Variants in RIPK2 observed in about 807,000 individuals in gnomAD.
RIPK2 encodes receptor interacting serine/threonine kinase 2.
A neutral mutation model predicts 60.9 loss-of-function variants in RIPK2; 38 were observed. The observed-to-expected ratio is 0.62, with a 90% CI of 0.48 to 0.82. The LOEUF (loss-of-function observed/expected upper bound fraction) is 0.82, where lower values mean the gene tolerates loss of function less well. RIPK2 is among the 40% of genes least tolerant of loss of function. RIPK2 has a pLI of 0.00. For synonymous variants in RIPK2, 225 were observed against 223.4 expected, an observed-to-expected ratio of 1.01 and a Z score of -0.06; for missense variants, 518 against 647.0, an observed-to-expected ratio of 0.80 and a Z score of 2.16.
At chr8:89,762,687 T>C (rs2130544023) in intron 1 of RIPK2, 142 bp from the exon 2 acceptor site, 2 of 433,856 alleles carry the variant, frequency 4.6e-6, no homozygotes, top group African/African-American at 4.0e-5. Context: ...TTAAATATGA[T>C]GAAACTAAGG....
At chr8:89,766,849 T>A (rs1280314032) in intron 3 of RIPK2, among the ~76,000 whole-genome samples, 1 of 151,506 alleles carries the variant, frequency 6.6e-6, no homozygotes, top group Non-Finnish European at 1.5e-5. Context: ...TCTAAAGGGA[T>A]TCTTTGGTTT....
intron 6 of RIPK2, among the ~76,000 whole-genome samples, chr8:89,774,583 T>C (rs1809366558): frequency 6.6e-6 from 1 of 152,180 alleles, no homozygotes; most frequent in Non-Finnish European, 1.5e-5. Flanking sequence ...CAGTTGTATG[T>C]GATTAGTGAT....
intron 1 of RIPK2, among the ~76,000 whole-genome samples, chr8:89,761,902 C>T (rs1049423567): frequency 6.6e-6 from 1 of 152,086 alleles, no homozygotes. Context: ...AAACAATTCA[C>T]AATTTCCCAA....
intron 9 of RIPK2, among the ~76,000 whole-genome samples, chr8:89,787,880 G>A (rs1262608770): frequency 6.6e-6 from 1 of 152,052 alleles, no homozygotes; most frequent in Non-Finnish European, 1.5e-5. Flanking sequence ...ATTAAGAACC[G>A]ATACAGAATG....
chr8:89,779,210 T>C (rs909538515), intron 6 of RIPK2, among the ~76,000 whole-genome samples: 3 of 151,718 alleles, frequency 2.0e-5, no homozygotes, highest in Non-Finnish European at 2.9e-5. Context: ...TGTGGAAATA[T>C]AGTGTGCAAG....
Position 89,772,661 on chromosome 8 carries a change from T to C in RIPK2, c.692-6T>C. 1 of 1,588,316 alleles carries C rather than the reference T, an allele frequency of 6.3e-7. No individual in the cohort carries two copies. The highest frequency in any genetic ancestry group is 8.6e-7 in the Non-Finnish European group (1 of 1,164,684). ...ACTAATGAATGCAATCTATTTGTTTTGACAGATGTCACCAATCCTTTGCAG... is the reference window on the plus strand; with the variant it reads ...ACTAATGAATGCAATCTATTTGTTTCGACAGATGTCACCAATCCTTTGCAG... On this transcript the variant is annotated splice_polypyrimidine_tract_variant and splice_region_variant and intron_variant, in intron 5 of 10. Transcript: ENST00000220751.
At chr8:89,780,422 A>T in intron 7 of RIPK2, 1 of 199,812 alleles carries the variant, frequency 5.0e-6, no homozygotes, top group Non-Finnish European at 1.0e-5. Flanking sequence ...CTGTAATCCC[A>T]GCACTTTGAA....
chr8:89,774,612 A>G (rs1809367665), intron 6 of RIPK2, among the ~76,000 whole-genome samples: 1 of 152,232 alleles, frequency 6.6e-6, no homozygotes, highest in Non-Finnish European at 1.5e-5. Flanking sequence ...TGTTTATAAT[A>G]GCCAGCAAGT....
In RIPK2 at chr8:89,772,810, G is replaced by T; in HGVS notation, c.835G>T (p.Glu279Ter). Residue 279 changes from glutamate (E) to a stop codon, truncating the protein, a stop_gained, in exon 6 of 11, where the codon GAA (glutamate) becomes TAA (stop). Coordinates refer to ENST00000220751, the MANE Select transcript of RIPK2 (RefSeq NM_003821.6). LOFTEE classifies it high-confidence loss of function. ...IESGWAQNPD[E>*]RPSFLKCLIE... is the part of the protein sequence containing the mutation. Reference sequence around the variant, plus strand: ...AAGTGGATGGGCACAAAATCCAGATGAAAGACCATCTTTCTTAAGTGAGTA... The same window carrying T: ...AAGTGGATGGGCACAAAATCCAGATTAAAGACCATCTTTCTTAAGTGAGTA... 1 of 1,606,222 alleles carries T rather than the reference G, an allele frequency of 6.2e-7. No homozygotes were observed. Among genetic ancestry groups the T allele is most frequent in the Non-Finnish European group, 8.5e-7 (1 of 1,176,250 alleles).
Position 89,757,963 on chromosome 8 carries a change from C to G in RIPK2, c.-98C>G. On this transcript the variant is annotated 5_prime_UTR_variant, in exon 1 of 11. Coordinates refer to ENST00000220751, the MANE Select transcript of RIPK2 (RefSeq NM_003821.6). The stretch of plus-strand genomic sequence containing the variant: ...CAAAAAGGGTCTTGCCGGCCTCGCT[C>G]GTGCAGGGGCGTATCTGGGCGCCTG... The G allele has an allele frequency of 1.4e-6, 2 of 1,418,910 alleles. No homozygotes were observed. Among genetic ancestry groups the G allele is most frequent in the South Asian group, 1.5e-5 (1 of 66,746 alleles). The allele number at this position is 1,418,910 out of a possible 1,614,324, so 87.9% of individuals were successfully genotyped here.
At position 89,757,958 on chromosome 8, in the gene RIPK2, T is replaced by A. The variant is rs930592395; in HGVS notation, c.-103T>A. 1.4e-6 allele frequency: 2 copies of A among 1,417,998 alleles called. No individual in the cohort carries two copies. Among genetic ancestry groups the A allele is most frequent in the African/African-American group, 3.0e-5 (2 of 67,570 alleles). 87.8% of individuals were successfully genotyped at this position (1,417,998 alleles called of 1,614,324 possible). On this transcript the variant is annotated 5_prime_UTR_variant, in exon 1 of 11. Transcript: ENST00000220751. The stretch of plus-strand genomic sequence containing the variant: ...CGGGGCAAAAAGGGTCTTGCCGGCC[T>A]CGCTCGTGCAGGGGCGTATCTGGGC...
At position 89,790,329 on chromosome 8, in the gene RIPK2, C is replaced by A; in HGVS notation, c.1536C>A (p.Asn512Lys). The A allele has an allele frequency of 6.2e-7, 1 of 1,613,974 alleles. No homozygotes were observed. The highest frequency in any genetic ancestry group is 8.5e-7 in the Non-Finnish European group (1 of 1,179,912). The change falls in exon 11 of 11, where the codon AAC becomes AAA. Residue 512 changes from asparagine to lysine, a missense_variant. This residue lies in a region of RIPK2 where 41 missense variants were observed against 43.7 expected (regional missense o/e 0.94). Coordinates refer to ENST00000220751, the MANE Select transcript of RIPK2 (RefSeq NM_003821.6). The part of the protein sequence containing the change: ...AKVIVQKLKD[N>K]KQMGLQPYPE... ...TTATAGTACAAAAATTGAAAGATAA[C>A]AAACAAATGGGTCTTCAGCCTTACC...
At chr8:89,780,189 T>A (rs749102687) in intron 7 of RIPK2, 29 bp downstream of exon 7, 1 of 1,177,730 alleles carries the variant, frequency 8.5e-7, no homozygotes, top group South Asian at 1.4e-5. Context: ...TGCTGGAAAT[T>A]AGAAATTTAA....
At chr8:89,771,990 C>A (rs1297685888) in intron 5 of RIPK2, among the ~76,000 whole-genome samples, 200 bp downstream of exon 5, 1 of 151,992 alleles carries the variant, frequency 6.6e-6, no homozygotes. Flanking sequence ...CTACTATATA[C>A]TGGAAAATGT....
chr8:89,781,028 C>T (rs1317880748), intron 7 of RIPK2, among the ~76,000 whole-genome samples: 1 of 150,844 alleles, frequency 6.6e-6, no homozygotes, highest in East Asian at 2.0e-4. Flanking sequence ...GCTTACTTTG[C>T]CCTAATGAAC....
At position 89,757,959 on chromosome 8, in the gene RIPK2, C is replaced by T. The variant is rs1400532846; in HGVS notation, c.-102C>T. ...GGGGCAAAAAGGGTCTTGCCGGCCT[C>T]GCTCGTGCAGGGGCGTATCTGGGCG... On this transcript the variant is annotated 5_prime_UTR_variant, in exon 1 of 11. Transcript: ENST00000220751. The T allele has an allele frequency of 1.2e-5, 17 of 1,419,358 alleles. No homozygotes were observed. Among genetic ancestry groups the T allele is most frequent in the South Asian group, 1.5e-5 (1 of 66,794 alleles). The allele number at this position is 1,419,358 out of a possible 1,614,324, so 87.9% of individuals were successfully genotyped here.
intron 1 of RIPK2, 85 bp from the exon 2 acceptor site, chr8:89,762,744 G>GA (rs377370075): frequency 9.9e-5 from 71 of 719,436 alleles, no homozygotes; most frequent in African/African-American, 7.1e-4. Flanking sequence ...GCTAATTAAT[G>GA]AAAAAAAATC....
rs1019736903 is a variant in RIPK2 at position 89,780,276 on chromosome 8, C to A, written c.939+116C>A. The stretch of plus-strand genomic sequence containing the variant: ...ATATACTTTACACAGATATAAGCTA[C>A]AGTTTTGGAGTGAGAAAATTTACCA... On this transcript the variant is annotated intron_variant, in intron 7 of 10. Coordinates refer to ENST00000220751, the MANE Select transcript of RIPK2 (RefSeq NM_003821.6). 2.3e-5 allele frequency: 12 copies of A among 522,512 alleles called. No homozygotes were observed. The African/African-American group carries it at 2.4e-4, about 11-fold the overall frequency. 32.4% of individuals were successfully genotyped at this position (522,512 alleles called of 1,614,324 possible). A position where few individuals can be genotyped will look rare whatever the true frequency, so the allele number is the denominator to read the frequency against.
chr8:89,784,862 C>T (rs1217241762), intron 8 of RIPK2, among the ~76,000 whole-genome samples: 2 of 152,096 alleles, frequency 1.3e-5, no homozygotes, highest in Admixed American at 6.5e-5. Flanking sequence ...GACCTTAGGC[C>T]GCTTGCACTC....
Sources: allele counts gnomAD v4.1 joint callset (sites outside exome capture counted in the v4.1 genomes callset), GRCh38; gene constraint gnomAD v4.1.1; regional missense constraint gnomAD v4.1.1; transcripts MANE v1.5; gene names NCBI Gene and HGNC (gene_info 2026-07-23, HGNC 2026-07-21).